SNU13: variants seen among roughly 807,000 people sequenced by gnomAD.
The protein encoded by SNU13 is small nuclear ribonucleoprotein 13, also known as NHP2-like protein 1.
SNU13 carries 2 observed loss-of-function variants against 12.4 expected under a neutral mutation model. The ratio of observed to expected loss-of-function variants is 0.16; its 90% CI spans 0.07 to 0.51. The LOEUF (loss-of-function observed/expected upper bound fraction) is 0.51. SNU13 is among the 20% of genes least tolerant of loss of function. SNU13 has a pLI of 0.96. For missense variants in SNU13, 66 were observed against 157.8 expected, an observed-to-expected ratio of 0.42 and a Z score of 3.12; for synonymous variants, 68 against 66.5, an observed-to-expected ratio of 1.02 and a Z score of -0.11.
chr22:41,680,955 C>A (rs1217459906), intron 1 of SNU13, among the ~76,000 whole-genome samples: 2 of 152,152 alleles, frequency 1.3e-5, no homozygotes, highest in African/African-American at 4.8e-5. Flanking sequence ...CTTTGGGCGG[C>A]CGAGGCGGGT....
At position 41,677,240 on chromosome 22, in the gene SNU13, T is replaced by C. The variant is rs58465566; in HGVS notation, c.125-2045A>G. Among the ~76,000 whole-genome samples, 1,099 of 152,276 alleles carry C rather than the reference T, an allele frequency of 7.2e-3. 20 individuals are homozygous for C. The highest frequency in any genetic ancestry group is 0.025 in the African/African-American group (1,050 of 41,554). On this transcript the variant is annotated intron_variant, in intron 2 of 2. Coordinates refer to ENST00000401959, the MANE Select transcript of SNU13 (RefSeq NM_001003796.2). ...GGATTAAACCAGTTAATAAGAATGATGAGGCTGGGCATGGTGGCTCACACC... is the reference window on the plus strand; with the variant it reads ...GGATTAAACCAGTTAATAAGAATGACGAGGCTGGGCATGGTGGCTCACACC...
At chr22:41,688,937 G>C (rs2068337020), upstream of SNU13, 7 of 1,416,826 alleles carry the variant, frequency 4.9e-6, no homozygotes, top group South Asian at 1.0e-4. Flanking sequence ...CTACGCGAGC[G>C]AGTGGGCCCC....
intron 1 of SNU13, chr22:41,681,664 A>C (rs2068264525): frequency 6.6e-6 from 1 of 152,442 alleles, no homozygotes; most frequent in African/African-American, 2.4e-5. Context: ...TACTTTATAG[A>C]TATATACTGT....
intron 2 of SNU13, among the ~76,000 whole-genome samples, chr22:41,675,761 CTTTTT>C (rs959667762): frequency 1.2e-5 from 1 of 84,142 alleles, no homozygotes; most frequent in African/African-American, 4.3e-5. Flanking sequence ...TTTTTTTTTT[CTTTTT>C]TTGAGATGGA....
chr22:41,678,563 G>A (rs1007742999), intron 2 of SNU13, among the ~76,000 whole-genome samples: 8 of 152,136 alleles, frequency 5.3e-5, no homozygotes, highest in Non-Finnish European at 8.8e-5. Context: ...GCTTATCACC[G>A]TGCAAAGTAT....
At position 41,675,157 on chromosome 22, in the gene SNU13, C is replaced by A; in HGVS notation, c.163G>T (p.Val55Leu). The A allele has an allele frequency of 6.2e-7, 1 of 1,613,882 alleles. No homozygotes were observed. Residue 55 changes from valine to leucine, a missense_variant, in exon 3 of 3, where the codon GTG becomes TTG. Physicochemically the swap from Val to Leu is conservative, Grantham distance 32. Coordinates refer to ENST00000401959, the MANE Select transcript of SNU13 (RefSeq NM_001003796.2). Reference sequence around the variant, plus strand: ...AGTGGCTCGGCGTCTGCAGCCATCACGATGAACTCAGAGATGCCCCTGTTG... The same window carrying A: ...AGTGGCTCGGCGTCTGCAGCCATCAAGATGAACTCAGAGATGCCCCTGTTG... ...TLNRGISEFI[V>L]MAADAEPLEI... is the part of the protein sequence containing the mutation.
intron 1 of SNU13, among the ~76,000 whole-genome samples, chr22:41,684,982 C>G (rs947761437): frequency 1.3e-5 from 2 of 152,006 alleles, no homozygotes; most frequent in African/African-American, 4.8e-5. Context: ...TGGTGAAACC[C>G]CCGTCTCTAC....
chr22:41,686,818 G>C (rs920058322), intron 1 of SNU13, among the ~76,000 whole-genome samples: 1 of 148,406 alleles, frequency 6.7e-6, no homozygotes, highest in Non-Finnish European at 1.5e-5. Context: ...GTAGAGATGG[G>C]GTTTCACCAT....
At chr22:41,688,890 C>A, upstream of SNU13, 2 of 1,489,786 alleles carry the variant, frequency 1.3e-6, no homozygotes, top group South Asian at 1.3e-5. Context: ...GAAGCAGCAG[C>A]GGAAATGGCC....
chr22:41,682,739 G>A (rs1004743988), intron 1 of SNU13: 2 of 310,552 alleles, frequency 6.4e-6, no homozygotes, highest in Non-Finnish European at 1.1e-5. Context: ...GGAGTGCAGT[G>A]GCGCGATCTC....
At chr22:41,682,244 C>T in intron 1 of SNU13, 2 of 1,179,260 alleles carry the variant, frequency 1.7e-6, no homozygotes, top group East Asian at 2.3e-5. Context: ...CGCGCACCTG[C>T]CTTTTCCTCC....
chr22:41,689,506 A>AATACAAAAAAT (rs2147145157), upstream of SNU13, among the ~76,000 whole-genome samples: 1 of 150,252 alleles, frequency 6.7e-6, no homozygotes, highest in Admixed American at 6.7e-5. Context: ...CTCTACTAAA[A>AATACAAAAAAT]ATACAAAAAA....
At chr22:41,683,942 G>A (rs780005933) in intron 1 of SNU13, among the ~76,000 whole-genome samples, 32 of 151,882 alleles carry the variant, frequency 2.1e-4, no homozygotes, top group Non-Finnish European at 3.5e-4. Flanking sequence ...TTGCTCTGTT[G>A]CCCAGGCTGG....
At chr22:41,682,397 G>T in intron 1 of SNU13, 2 of 1,613,846 alleles carry the variant, frequency 1.2e-6, no homozygotes, top group Non-Finnish European at 1.7e-6. Flanking sequence ...ACACCGCGAG[G>T]ATACCACGCG....
rs1014047563 is a variant in SNU13 at position 41,687,134 on chromosome 22, T to C, written c.3+1660A>G. ...ACCACGCCTGGCTAATTTTTTTGAA[T>C]TTTTAGTAGAAACAGGGTTTCACTA... On this transcript the variant is annotated intron_variant, in intron 1 of 2. Coordinates refer to ENST00000401959, the MANE Select transcript of SNU13 (RefSeq NM_001003796.2). Among the ~76,000 whole-genome samples the C allele has an allele frequency of 4.6e-5, 7 of 150,802 alleles. No individual in the cohort carries two copies. The Admixed American group carries it at 4.6e-4, about 10-fold the overall frequency.
chr22:41,679,130 C>T (rs973034924), intron 2 of SNU13, among the ~76,000 whole-genome samples: 2 of 151,874 alleles, frequency 1.3e-5, no homozygotes, highest in Non-Finnish European at 2.9e-5. Flanking sequence ...GCTGGGCAGC[C>T]GGGCACAGTG....
In SNU13 at chr22:41,680,368, T is replaced by TG. The variant is rs57548153; in HGVS notation, c.4-5dup. On this transcript the variant is annotated splice_polypyrimidine_tract_variant and splice_region_variant and intron_variant, in intron 1 of 2. Coordinates refer to ENST00000401959, the MANE Select transcript of SNU13 (RefSeq NM_001003796.2). ...TTGGATTCACATCAGCCTCAGTCTA[T>TG]GGGGGGGACATAAAAATATCAGACA... The TG allele has an allele frequency of 2.0e-3, 3,141 of 1,602,498 alleles. 57 individuals are homozygous for TG. The African/African-American group carries it at 0.036, about 18-fold the overall frequency.
At chr22:41,690,446 G>C (rs567425362), upstream of SNU13, 1 of 721,608 alleles carries the variant, frequency 1.4e-6, no homozygotes, top group Admixed American at 2.0e-5. Flanking sequence ...TGCACCAAGA[G>C]CATGCTAACC....
chr22:41,687,491 A>G (rs2068320654), intron 1 of SNU13, among the ~76,000 whole-genome samples: 1 of 152,234 alleles, frequency 6.6e-6, no homozygotes, highest in Admixed American at 6.5e-5. Context: ...TAGTCAACAA[A>G]AAAGTTAAAC....
Sources: allele counts gnomAD v4.1 joint callset (sites outside exome capture counted in the v4.1 genomes callset), GRCh38; gene constraint gnomAD v4.1.1; transcripts MANE v1.5; gene names NCBI Gene and HGNC (gene_info 2026-07-23, HGNC 2026-07-21).